FER1L6: variants seen among roughly 807,000 people sequenced by gnomAD.
FER1L6 encodes fer-1 like family member 6.
FER1L6 carries 177 observed loss-of-function variants against 219.2 expected under a neutral mutation model. That is an observed-to-expected ratio of 0.81 (90% confidence interval 0.71 to 0.91). The LOEUF (loss-of-function observed/expected upper bound fraction) is 0.91, where lower values mean the gene tolerates loss of function less well. FER1L6 is among the 40% of genes least tolerant of loss of function. The pLI, the probability that FER1L6 is intolerant of heterozygous loss-of-function variation, is 0.00. For synonymous variants in FER1L6, 768 were observed against 824.3 expected (o/e 0.93, Z 1.17); for missense variants, 2,153 against 2,259.9 (o/e 0.95, Z 0.96).
intron 1 of FER1L6, among the ~76,000 whole-genome samples, chr8:123,953,258 A>G (rs1020500551): frequency 6.6e-6 from 1 of 152,142 alleles, no homozygotes; most frequent in Non-Finnish European, 1.5e-5. Context: ...TTGTGATACT[A>G]ACATCAGCCC....
intron 39 of FER1L6, among the ~76,000 whole-genome samples, chr8:124,115,142 T>C (rs1439171353): frequency 1.3e-5 from 2 of 151,098 alleles, no homozygotes; most frequent in African/African-American, 4.9e-5. Context: ...GTATGACAAA[T>C]CCAGTCTTCT....
chr8:123,963,173 T>C (rs2130188611), intron 2 of FER1L6, 105 bp from the exon 3 acceptor site: 1 of 1,476,414 alleles, frequency 6.8e-7, no homozygotes, highest in Non-Finnish European at 9.2e-7. Flanking sequence ...TTCTAGTCTC[T>C]TTGTACCACT....
chr8:123,976,227 C>T lies in FER1L6; in HGVS notation c.870+143C>T, dbSNP rs182947351. ...GTTACAAAAAGGCAATGGGGCCAGG[C>T]GAGGTGGCTCACACCTGTAATCCCA... On this transcript the variant is annotated intron_variant, in intron 9 of 40. Transcript: ENST00000522917. 5.6e-4 allele frequency: 370 copies of T among 659,458 alleles called. No individual in the cohort carries two copies. In the African/African-American group the frequency reaches 6.3e-3, roughly 11 times the overall value. 40.9% of individuals were successfully genotyped at this position (659,458 alleles called of 1,614,324 possible). A position where few individuals can be genotyped will look rare whatever the true frequency, so the allele number is the denominator to read the frequency against.
chr8:124,099,169 T>C (rs976764852), intron 37 of FER1L6, among the ~76,000 whole-genome samples: 1 of 152,210 alleles, frequency 6.6e-6, no homozygotes, highest in Non-Finnish European at 1.5e-5. Flanking sequence ...TCCCACTATT[T>C]TGTCTCTCTG....
At chr8:124,070,345 TG>T in intron 29 of FER1L6, 121 bp from the exon 30 acceptor site, 1 of 1,022,046 alleles carries the variant, frequency 9.8e-7, no homozygotes, top group Non-Finnish European at 1.4e-6. Context: ...AAATTACCAG[TG>T]GCCTCAGATT....
chr8:123,977,053 A>G (rs1816107382), intron 9 of FER1L6, among the ~76,000 whole-genome samples: 1 of 152,220 alleles, frequency 6.6e-6, no homozygotes, highest in Admixed American at 6.5e-5. Context: ...ATTTTATGAC[A>G]AGGAAATTGA....
intron 1 of FER1L6, among the ~76,000 whole-genome samples, chr8:123,926,438 G>A (rs970235224): frequency 7.9e-5 from 12 of 152,200 alleles, no homozygotes; most frequent in Admixed American, 3.3e-4. Context: ...GTGTGCATAG[G>A]GGAAAGGTTG....
At chr8:124,096,589 C>T (rs28645876) in intron 35 of FER1L6, among the ~76,000 whole-genome samples, 1,997 of 152,252 alleles carry the variant, frequency 0.013, 23 homozygotes, top group Non-Finnish European at 0.019. Context: ...TCTTGTACCA[C>T]GGTAAAATCT....
intron 1 of FER1L6, among the ~76,000 whole-genome samples, chr8:123,931,911 A>G (rs1330331071): frequency 6.6e-6 from 1 of 152,212 alleles, no homozygotes; most frequent in African/African-American, 2.4e-5. Flanking sequence ...AAAAACAGTT[A>G]TTTTAAAAAA....
At chr8:124,046,572 T>C (rs1049127265) in intron 21 of FER1L6, 4 of 152,220 alleles carry the variant, frequency 2.6e-5, no homozygotes, top group African/African-American at 9.6e-5. Flanking sequence ...CTTTATTTAA[T>C]ATCTCTACCT....
chr8:123,944,997 T>G (rs553073862), intron 1 of FER1L6, among the ~76,000 whole-genome samples: 1 of 152,326 alleles, frequency 6.6e-6, no homozygotes, highest in South Asian at 2.1e-4. Context: ...ATATATGGAT[T>G]TCTCCACTTC....
At chr8:123,868,015 C>A (rs1300867056) in intron 1 of FER1L6, among the ~76,000 whole-genome samples, 41 of 152,198 alleles carry the variant, frequency 2.7e-4, no homozygotes, top group Admixed American at 2.7e-3. Flanking sequence ...TTATGCCTTG[C>A]ATCCATGGAA....
At chr8:123,955,340 T>C (rs1369470315) in intron 1 of FER1L6, among the ~76,000 whole-genome samples, 2 of 152,166 alleles carry the variant, frequency 1.3e-5, no homozygotes, top group East Asian at 3.9e-4. Flanking sequence ...ATAACAATAA[T>C]AGCAGTGGAC....
chr8:124,049,762 T>A lies in FER1L6; in HGVS notation c.2874+6T>A. 6.2e-7 allele frequency: 1 copy of A among 1,613,650 alleles called. No individual in the cohort carries two copies. Among genetic ancestry groups the A allele is most frequent in the South Asian group, 1.1e-5 (1 of 91,036 alleles). ...CTGTATTTGAACTGCTGCAGGTGAG[T>A]GAACCAGATGTGGCACGAGATCTAT... On this transcript the variant is annotated splice_donor_region_variant and intron_variant, in intron 22 of 40. Coordinates refer to ENST00000522917, the MANE Select transcript of FER1L6 (RefSeq NM_001039112.2).
chr8:123,874,275 A>C (rs970126015), intron 1 of FER1L6, among the ~76,000 whole-genome samples: 1 of 152,116 alleles, frequency 6.6e-6, no homozygotes, highest in African/African-American at 2.4e-5. Flanking sequence ...TTCTCAAGTC[A>C]TAGAATATAG....
intron 24 of FER1L6, 88 bp downstream of exon 24, chr8:124,060,797 G>A (rs985291262): frequency 8.4e-5 from 115 of 1,371,624 alleles, no homozygotes; most frequent in Middle Eastern, 7.5e-4. Flanking sequence ...CACTAGCTGC[G>A]AGAAAGAATT....
intron 22 of FER1L6, among the ~76,000 whole-genome samples, chr8:124,055,332 G>T (rs1281691011): frequency 6.6e-6 from 1 of 151,946 alleles, no homozygotes; most frequent in Non-Finnish European, 1.5e-5. Context: ...CTATGATCAT[G>T]CTACTGCACT....
chr8:123,906,155 G>T (rs548476724), intron 1 of FER1L6, among the ~76,000 whole-genome samples: 1 of 152,326 alleles, frequency 6.6e-6, no homozygotes, highest in African/African-American at 2.4e-5. Context: ...TGGCCCAACT[G>T]TAGGAATGAA....
chr8:123,878,503 G>T (rs1223132554), intron 1 of FER1L6, among the ~76,000 whole-genome samples: 5 of 152,218 alleles, frequency 3.3e-5, no homozygotes, highest in Non-Finnish European at 5.9e-5. Flanking sequence ...GACTTTTGTC[G>T]CTTCTACTGT....
Sources: gnomAD v4.1 joint callset for allele counts (sites outside exome capture counted in the v4.1 genomes callset) on GRCh38, gnomAD v4.1.1 for gene constraint, MANE v1.5 for transcripts, NCBI Gene and HGNC (gene_info 2026-07-23, HGNC 2026-07-21) for gene names.